Variants in NFIA observed in about 807,000 individuals in gnomAD.
The protein encoded by NFIA is nuclear factor I A, also known as nuclear factor 1 A-type.
In NFIA, 8 loss-of-function variants were observed where a neutral mutation model predicts 62.8. That is an observed-to-expected ratio of 0.13 (90% CI 0.07 to 0.23). The LOEUF is 0.23. Ranked by LOEUF, NFIA falls within the 10% of genes least tolerant of loss-of-function variation. The pLI is 1.00. For missense variants in NFIA, 410 were observed against 642.1 expected, an observed-to-expected ratio of 0.64 and a Z score of 3.91; for synonymous variants, 235 against 238.1, an observed-to-expected ratio of 0.99 and a Z score of 0.12.
At chr1:61,408,715 T>C (rs947350882) in intron 9 of NFIA, among the ~76,000 whole-genome samples, 3 of 152,204 alleles carry the variant, frequency 2.0e-5, no homozygotes, top group African/African-American at 7.2e-5. Context: ...GTGTGGCTGT[T>C]CAAGTCTAAA....
chr1:61,397,837 G>A (rs140138800), intron 7 of NFIA, among the ~76,000 whole-genome samples: 141 of 152,206 alleles, frequency 9.3e-4, no homozygotes, highest in Middle Eastern at 6.8e-3. Context: ...AATTATATAC[G>A]CACACACACG....
intron 2 of NFIA, among the ~76,000 whole-genome samples, chr1:61,189,539 G>GCTGTAGTCC (rs2100573193): frequency 1.3e-5 from 2 of 148,934 alleles, no homozygotes; most frequent in East Asian, 3.9e-4. Context: ...GTGGCGCGCA[G>GCTGTAGTCC]CTGTAGTCCC....
chr1:61,225,453 G>C (rs1260966929), intron 2 of NFIA, among the ~76,000 whole-genome samples: 1 of 151,422 alleles, frequency 6.6e-6, no homozygotes, highest in Non-Finnish European at 1.5e-5. Context: ...GTTTCACCAT[G>C]TTGGCCAGGA....
Position 61,299,971 on chromosome 1 carries a change from G to C in NFIA, c.625+22386G>C, listed in dbSNP as rs78207035. On this transcript the variant is annotated intron_variant, in intron 3 of 10. Coordinates refer to ENST00000403491, the MANE Select transcript of NFIA (RefSeq NM_001134673.4). ...GAGATGAAAGAGTTTTCAAATATCT[G>C]AGGGTTTGTGAGTATATCCGTATTT... is the stretch of plus-strand genomic sequence containing the variant. Among the ~76,000 whole-genome samples the C allele has an allele frequency of 9.9e-4, 150 of 152,152 alleles. 2 individuals are homozygous for C. The East Asian group carries it at 0.027, about 28-fold the overall frequency.
intron 2 of NFIA, among the ~76,000 whole-genome samples, chr1:61,234,296 G>A (rs1017571513): frequency 1.8e-4 from 27 of 150,676 alleles, no homozygotes; most frequent in African/African-American, 6.6e-4. Flanking sequence ...GAACCCGGGA[G>A]GCGGAGGTTG....
At chr1:61,155,945 T>C (rs1203968630) in intron 2 of NFIA, among the ~76,000 whole-genome samples, 1 of 152,116 alleles carries the variant, frequency 6.6e-6, no homozygotes, top group Admixed American at 6.6e-5. Flanking sequence ...GAGACCAGCC[T>C]GACCAAACAT....
In NFIA at chr1:61,204,972, A is replaced by T. The variant is rs1040928082; in HGVS notation, c.560-72548A>T. ...TATTCTGTTGGCCCAAACATACTTC[A>T]CTTTGTTGAGAAGGTTTAGCATAGG... is the stretch of plus-strand genomic sequence containing the variant. On this transcript the variant is annotated intron_variant, in intron 2 of 10. Coordinates refer to ENST00000403491, the MANE Select transcript of NFIA (RefSeq NM_001134673.4). Among the ~76,000 whole-genome samples, 3 of 152,218 alleles carry T rather than the reference A, an allele frequency of 2.0e-5. No homozygotes were observed. The East Asian group carries it at 5.8e-4, about 29-fold the overall frequency.
chr1:61,277,912 G>A (rs1235942593), intron 3 of NFIA, among the ~76,000 whole-genome samples: 2 of 152,010 alleles, frequency 1.3e-5, no homozygotes, highest in Admixed American at 6.6e-5. Flanking sequence ...ATTAAGTGAG[G>A]AGTCATGGCT....
chr1:61,218,023 G>A (rs1381755849), intron 2 of NFIA, among the ~76,000 whole-genome samples: 2 of 152,152 alleles, frequency 1.3e-5, no homozygotes, highest in Non-Finnish European at 2.9e-5. Context: ...TTTCCTTCTT[G>A]TTCAGCAAAA....
intron 1 of NFIA, among the ~76,000 whole-genome samples, chr1:61,085,900 CAG>C (rs1646211075): frequency 2.0e-5 from 3 of 152,190 alleles, no homozygotes; most frequent in South Asian, 2.1e-4. Flanking sequence ...GGCAGGTAAA[CAG>C]AATCCTGTTG....
intron 3 of NFIA, among the ~76,000 whole-genome samples, chr1:61,305,505 G>C (rs1245640433): frequency 1.3e-5 from 2 of 152,202 alleles, no homozygotes; most frequent in African/African-American, 2.4e-5. Context: ...ACTCTACATA[G>C]CTGTGGTGGT....
chr1:61,270,389 G>A (rs1657432747), intron 2 of NFIA, among the ~76,000 whole-genome samples: 1 of 134,606 alleles, frequency 7.4e-6, no homozygotes, highest in Admixed American at 7.4e-5. Context: ...TTTCAATGGT[G>A]GAATATGAAT....
intron 3 of NFIA, among the ~76,000 whole-genome samples, chr1:61,329,678 T>A (rs1172786115): frequency 6.6e-6 from 1 of 152,194 alleles, no homozygotes; most frequent in East Asian, 1.9e-4. Flanking sequence ...TAATTTTTTT[T>A]ACATGTTTTT....
intron 3 of NFIA, among the ~76,000 whole-genome samples, chr1:61,329,693 G>A (rs543890231): frequency 7.2e-5 from 11 of 152,242 alleles, no homozygotes; most frequent in Admixed American, 5.2e-4. Context: ...GTTTTTAGCT[G>A]TTTCTGTAAA....
At chr1:61,371,812 C>T (rs1663900131) in intron 6 of NFIA, among the ~76,000 whole-genome samples, 1 of 152,106 alleles carries the variant, frequency 6.6e-6, no homozygotes, top group Non-Finnish European at 1.5e-5. Flanking sequence ...TGGAAATAGT[C>T]CTTTGGTTTG....
intron 2 of NFIA, among the ~76,000 whole-genome samples, chr1:61,270,897 A>T (rs955099364): frequency 2.0e-5 from 3 of 152,238 alleles, no homozygotes; most frequent in African/African-American, 4.8e-5. Flanking sequence ...ATTCAAAATG[A>T]TTACCTAGAC....
chr1:61,213,450 T>C (rs1339839911), intron 2 of NFIA, among the ~76,000 whole-genome samples: 1 of 152,230 alleles, frequency 6.6e-6, no homozygotes, highest in South Asian at 2.1e-4. Context: ...ACCCTGTTCA[T>C]GATGGGCCTG....
chr1:61,191,903 T>C lies in NFIA; in HGVS notation c.560-85617T>C, dbSNP rs80253012. Among the ~76,000 whole-genome samples the C allele has an allele frequency of 3.7e-3, 568 of 152,356 alleles. 1 individual carries two copies. Among genetic ancestry groups the C allele is most frequent in the Non-Finnish European group, 5.8e-3 (396 of 68,028 alleles). On this transcript the variant is annotated intron_variant, in intron 2 of 10. Coordinates refer to ENST00000403491, the MANE Select transcript of NFIA (RefSeq NM_001134673.4). ...GCCCTTACAGAGACCTGTTAACTTT[T>C]CAAACCCGTGACTTAAAATTTACTA...
intron 2 of NFIA, among the ~76,000 whole-genome samples, chr1:61,261,719 A>G (rs1026030801): frequency 2.6e-5 from 4 of 152,236 alleles, no homozygotes; most frequent in Non-Finnish European, 5.9e-5. Flanking sequence ...AGGTACAGCC[A>G]ACAACAACAA....
Sources: allele counts gnomAD v4.1 joint callset (sites outside exome capture counted in the v4.1 genomes callset), GRCh38; gene constraint gnomAD v4.1.1; transcripts MANE v1.5; gene names NCBI Gene and HGNC (gene_info 2026-07-23, HGNC 2026-07-21).